LRRIQ1: variants seen among roughly 807,000 people sequenced by gnomAD.
LRRIQ1 encodes the protein leucine-rich repeat- and IQ domain-containing protein 1.
A neutral mutation model predicts 211.9 loss-of-function variants in LRRIQ1; 210 were observed. The observed-to-expected ratio is 0.99, with a 90% CI of 0.89 to 1.11. The LOEUF (loss-of-function observed/expected upper bound fraction) is 1.11, where lower values mean the gene tolerates loss of function less well. Ranked by LOEUF, LRRIQ1 falls within the 50% of genes most tolerant of loss-of-function variation. The pLI is 0.00. For synonymous variants in LRRIQ1, 699 were observed against 650.1 expected, an observed-to-expected ratio of 1.08 and a Z score of -1.14; for missense variants, 2,136 against 1,939.5, an observed-to-expected ratio of 1.10 and a Z score of -1.90.
At chr12:85,267,453 ATGTAGCTATT>A (rs1479155772), downstream of LRRIQ1, among the ~76,000 whole-genome samples, 1 of 152,094 alleles carries the variant, frequency 6.6e-6, no homozygotes, top group Non-Finnish European at 1.5e-5. Context: ...ATCTATAAGT[ATGTAGCTATT>A]TGTAAATGTT....
chr12:85,043,641 CTT>C (rs1314003197), intron 3 of LRRIQ1, among the ~76,000 whole-genome samples: 4 of 91,614 alleles, frequency 4.4e-5, no homozygotes, highest in Admixed American at 9.9e-5. Flanking sequence ...GGAGAAACAT[CTT>C]TGTTTCTATA....
At chr12:85,095,812 A>G (rs1885821231) in intron 11 of LRRIQ1, among the ~76,000 whole-genome samples, 1 of 152,028 alleles carries the variant, frequency 6.6e-6, no homozygotes, top group Admixed American at 6.6e-5. Context: ...TTTTAAAATT[A>G]CTAATTCAAT....
At chr12:85,260,115 C>A (rs1357555498) in intron 1 of LRRIQ1, among the ~76,000 whole-genome samples, 3 of 112,228 alleles carry the variant, frequency 2.7e-5, no homozygotes, top group Non-Finnish European at 3.5e-5. Flanking sequence ...TTACATGTTA[C>A]TTTTCATGTT....
intron 24 of LRRIQ1, among the ~76,000 whole-genome samples, chr12:85,187,139 A>G (rs1892264425): frequency 6.6e-6 from 1 of 152,162 alleles, no homozygotes; most frequent in Admixed American, 6.6e-5. Flanking sequence ...GGGAACCCAT[A>G]CATCAGTACA....
intron 23 of LRRIQ1, among the ~76,000 whole-genome samples, chr12:85,156,264 T>C (rs1228007790): frequency 6.6e-6 from 1 of 151,796 alleles, no homozygotes; most frequent in Non-Finnish European, 1.5e-5. Flanking sequence ...AACGCTGAAA[T>C]GTAAAATTTA....
intron 15 of LRRIQ1, among the ~76,000 whole-genome samples, chr12:85,109,247 A>G (rs549992860): frequency 3.2e-4 from 49 of 152,296 alleles, no homozygotes; most frequent in Non-Finnish European, 4.7e-4. Flanking sequence ...AACCTCTGAC[A>G]TTCTTTCTAG....
downstream of LRRIQ1, among the ~76,000 whole-genome samples, chr12:85,246,842 G>T (rs960226008): frequency 6.6e-6 from 1 of 151,402 alleles, no homozygotes; most frequent in Non-Finnish European, 1.5e-5. Context: ...AATCACTGTA[G>T]TTGCTAAGTA....
At chr12:85,251,056 A>G (rs1286665134) in intron 1 of LRRIQ1, among the ~76,000 whole-genome samples, 1 of 138,974 alleles carries the variant, frequency 7.2e-6, no homozygotes, top group Non-Finnish European at 1.5e-5. Flanking sequence ...TCATATATGT[A>G]TGAATTTGAA....
chr12:85,185,993 T>C (rs1409848530), intron 24 of LRRIQ1, among the ~76,000 whole-genome samples: 1 of 152,078 alleles, frequency 6.6e-6, no homozygotes, highest in Non-Finnish European at 1.5e-5. Flanking sequence ...TAATGTACTT[T>C]ATACTTAATA....
intron 24 of LRRIQ1, among the ~76,000 whole-genome samples, chr12:85,205,241 C>T (rs149596389): frequency 6.6e-6 from 1 of 152,278 alleles, no homozygotes; most frequent in East Asian, 1.9e-4. Context: ...AAACCTCTTT[C>T]TTTTGTAAAT....
At chr12:85,149,376 C>T (rs1000090568) in intron 19 of LRRIQ1, among the ~76,000 whole-genome samples, 2 of 151,884 alleles carry the variant, frequency 1.3e-5, no homozygotes, top group African/African-American at 4.8e-5. Flanking sequence ...TATGGCTAGC[C>T]AGTTTTCTCA....
intron 19 of LRRIQ1, among the ~76,000 whole-genome samples, chr12:85,146,862 A>G (rs1308829022): frequency 6.6e-6 from 1 of 151,706 alleles, no homozygotes; most frequent in Non-Finnish European, 1.5e-5. Context: ...GCTGTTAGAG[A>G]AAAGAGATAC....
chr12:85,096,705 A>G (rs769124069), intron 11 of LRRIQ1, among the ~76,000 whole-genome samples: 1 of 151,980 alleles, frequency 6.6e-6, no homozygotes, highest in Non-Finnish European at 1.5e-5. Flanking sequence ...TAAGTCTAGA[A>G]TTTCTTTGTT....
intron 3 of LRRIQ1, among the ~76,000 whole-genome samples, chr12:85,042,441 A>G (rs1879002216): frequency 6.7e-6 from 1 of 148,218 alleles, no homozygotes; most frequent in African/African-American, 2.4e-5. Context: ...AAATTATTTT[A>G]ATTTATTAAA....
intron 10 of LRRIQ1, among the ~76,000 whole-genome samples, chr12:85,068,783 C>T (rs1365818793): frequency 2.0e-5 from 3 of 148,036 alleles, no homozygotes; most frequent in Non-Finnish European, 3.0e-5. Context: ...GCAGTCCTCA[C>T]GGCTTTTTTT....
chr12:85,114,315 G>A (rs1887412395), intron 15 of LRRIQ1, among the ~76,000 whole-genome samples: 1 of 152,028 alleles, frequency 6.6e-6, no homozygotes, highest in Admixed American at 6.6e-5. Context: ...CTTTTCCCAT[G>A]ATTCAGAGCA....
chr12:85,255,191 T>G (rs1018129094), intron 1 of LRRIQ1, among the ~76,000 whole-genome samples: 1 of 151,792 alleles, frequency 6.6e-6, no homozygotes, highest in Non-Finnish European at 1.5e-5. Context: ...CTCCAGTAGA[T>G]TTGATGATAA....
At chr12:85,138,336 T>C (rs1023559325) in intron 19 of LRRIQ1, among the ~76,000 whole-genome samples, 3 of 151,734 alleles carry the variant, frequency 2.0e-5, no homozygotes, top group African/African-American at 7.2e-5. Context: ...TTGCATTTAG[T>C]TGTCATTTTT....
intron 24 of LRRIQ1, among the ~76,000 whole-genome samples, chr12:85,198,255 A>G (rs1398616325): frequency 6.8e-6 from 1 of 146,900 alleles, no homozygotes. Context: ...TATTGTGAAT[A>G]GTGCTGCAAT....
Sources: gnomAD v4.1 joint callset for allele counts (sites outside exome capture counted in the v4.1 genomes callset) on GRCh38, gnomAD v4.1.1 for gene constraint, MANE v1.5 for transcripts, NCBI Gene and HGNC (gene_info 2026-07-23, HGNC 2026-07-21) for gene names.